Variants in MYLK observed in about 807,000 individuals in gnomAD.
The protein encoded by MYLK is myosin light chain kinase, smooth muscle.
MYLK carries 106 observed loss-of-function variants against 203.4 expected under a neutral mutation model. The observed-to-expected ratio is 0.52, with a 90% confidence interval of 0.45 to 0.61. The LOEUF is 0.61. Ranked by LOEUF, MYLK falls within the 20% of genes least tolerant of loss-of-function variation. The probability of loss-of-function intolerance (pLI) is 0.00; values close to 1 mark genes in which losing one functional copy is unlikely to be tolerated. For synonymous variants in MYLK, 867 were observed against 959.5 expected (o/e 0.90, Z 1.78); for missense variants, 2,072 against 2,442.3 (o/e 0.85, Z 3.20).
chr3:123,692,889 C>T (rs764400134), intron 18 of MYLK, 38 bp from the exon 19 acceptor site: 43 of 1,553,366 alleles, frequency 2.8e-5, no homozygotes, highest in Non-Finnish European at 2.7e-5. Flanking sequence ...CAGGTGTGGT[C>T]GTAGTACCTG....
chr3:123,692,878 C>A (rs2060737648), intron 18 of MYLK, 27 bp from the exon 19 acceptor site: 3 of 1,594,628 alleles, frequency 1.9e-6, no homozygotes, highest in East Asian at 2.2e-5. Flanking sequence ...GTGGAGTGAA[C>A]CAGGTGTGGT....
rs780654221 is a variant in MYLK at position 123,793,782 on chromosome 3, A to G, written c.60T>C (p.Asp20=). Residue 20 remains aspartate (D), a synonymous_variant, in exon 4 of 34, where the codon GAT becomes GAC. Transcript: ENST00000360304. ...GGGGCATGGAGTCAACTCTTGAGGG[A>G]TCCACACTGAGGGAGGTTTTGGAAA... ...SHISKTSLSV[D]PSRVDSMPLT... The G allele has an allele frequency of 9.3e-6, 15 of 1,614,056 alleles. No homozygotes were observed. The Admixed American group carries it at 1.8e-4, about 20-fold the overall frequency.
chr3:123,815,795 T>A (rs1006924820), intron 3 of MYLK, among the ~76,000 whole-genome samples: 1 of 152,276 alleles, frequency 6.6e-6, no homozygotes, highest in African/African-American at 2.4e-5. Context: ...TCCTTCAAAC[T>A]TTTTAGAAAT....
At chr3:123,780,343 A>G (rs2064247237) in intron 4 of MYLK, among the ~76,000 whole-genome samples, 1 of 152,182 alleles carries the variant, frequency 6.6e-6, no homozygotes, top group South Asian at 2.1e-4. Flanking sequence ...GTGAGACAGG[A>G]GAATTGCTTG....
intron 2 of MYLK, among the ~76,000 whole-genome samples, chr3:123,833,697 T>C (rs1478424329): frequency 6.6e-6 from 1 of 152,198 alleles, no homozygotes; most frequent in African/African-American, 2.4e-5. Context: ...AATAAAGCTG[T>C]TAATTATGTA....
chr3:123,838,672 A>G (rs1408242601), intron 2 of MYLK, among the ~76,000 whole-genome samples: 1 of 152,242 alleles, frequency 6.6e-6, no homozygotes, highest in Non-Finnish European at 1.5e-5. Context: ...AGGTTTTTAT[A>G]CCATACGTGA....
At chr3:123,806,361 C>T (rs150398142) in intron 3 of MYLK, among the ~76,000 whole-genome samples, 1 of 152,104 alleles carries the variant, frequency 6.6e-6, no homozygotes, top group Non-Finnish European at 1.5e-5. Context: ...AGAGAACAGG[C>T]CATGGTAATC....
intron 32 of MYLK, among the ~76,000 whole-genome samples, chr3:123,619,800 T>C (rs1235370949): frequency 6.6e-6 from 1 of 152,194 alleles, no homozygotes; most frequent in Non-Finnish European, 1.5e-5. Flanking sequence ...ACAAAGATGG[T>C]AGAAAATAGA....
chr3:123,745,524 CTTTCT>C (rs1218054359), intron 5 of MYLK, among the ~76,000 whole-genome samples: 1 of 152,334 alleles, frequency 6.6e-6, no homozygotes, highest in South Asian at 2.1e-4. Flanking sequence ...TTGAAGCACT[CTTTCT>C]TTTAAGGCTC....
chr3:123,657,156 C>G lies in MYLK; in HGVS notation c.4258G>C (p.Glu1420Gln). The G allele has an allele frequency of 2.5e-6, 4 of 1,614,192 alleles. No individual in the cohort carries two copies. The highest frequency in any genetic ancestry group is 3.4e-6 in the Non-Finnish European group (4 of 1,180,032). Residue 1420 changes from glutamate to glutamine, a missense_variant, in exon 24 of 34, where the codon GAA becomes CAA. Glu to Gln is a conservative substitution (Grantham distance 29, BLOSUM62 2). Coordinates refer to ENST00000360304, the MANE Select transcript of MYLK (RefSeq NM_053025.4). ...GGTTTCTCTCCTACCGTTGTGAGTT[C>G]AGACTCCTGGCTTGGCTCACTGGTT... The part of the protein sequence containing the change: ...YGTSEPSQES[E>Q]LTTVGEKPEE...
Position 123,649,164 on chromosome 3 carries a change from T to A in MYLK, c.4319A>T (p.Asp1440Val). 1 of 1,613,372 alleles carries A rather than the reference T, an allele frequency of 6.2e-7. No homozygotes were observed. Among genetic ancestry groups the A allele is most frequent in the Non-Finnish European group, 8.5e-7 (1 of 1,180,004 alleles). Residue 1440 changes from aspartate (D) to valine (V), a missense_variant and splice_region_variant, in exon 25 of 34, where the codon GAT becomes GTT. This residue lies in a region of MYLK where 524 missense variants were observed against 782.4 expected (regional missense o/e 0.67). Coordinates refer to ENST00000360304, the MANE Select transcript of MYLK (RefSeq NM_053025.4). ...EPKDEVEVSDDDEKEPEVDYR... is the reference protein window; with the variant it reads ...EPKDEVEVSDVDEKEPEVDYR... ...CCGAAGACAGGGGCTGCACTCACCA[T>A]CATCTGACACCTCCACTTCATCCTT...
chr3:123,687,610 A>C (rs797016664), intron 19 of MYLK, among the ~76,000 whole-genome samples: 35 of 135,998 alleles, frequency 2.6e-4, no homozygotes, highest in East Asian at 1.2e-3. Flanking sequence ...CTTCCTTCCT[A>C]CCTTCATTCC....
In MYLK at chr3:123,700,347, C is replaced by T. The variant is rs568590920; in HGVS notation, c.3121G>A (p.Ala1041Thr). 17 of 1,613,514 alleles carry T rather than the reference C, an allele frequency of 1.1e-5. No homozygotes were observed. The highest frequency in any genetic ancestry group is 1.7e-4 in the Middle Eastern group (1 of 6,060). ...PAETLKPMGNAKPAETLKPMG... is the reference protein window; with the variant it reads ...PAETLKPMGNTKPAETLKPMG... ...GGCTTCAGGGTCTCGGCAGGCTTGG[C>T]GTTGCCCATTGGCTTCAGGGTCTCA... Residue 1041 changes from alanine (A) to threonine (T), a missense_variant, in exon 18 of 34, where the codon GCC (alanine) becomes ACC (threonine). Around this residue, in one of 3 missense-constraint regions of MYLK, gnomAD observed 865 missense variants for 1,016.0 expected, o/e 0.85. Transcript: ENST00000360304.
At chr3:123,695,120 G>C (rs529888113) in intron 18 of MYLK, among the ~76,000 whole-genome samples, 1 of 152,276 alleles carries the variant, frequency 6.6e-6, no homozygotes, top group East Asian at 1.9e-4. Flanking sequence ...TGTGGATGGA[G>C]GGAGGGAGCT....
At chr3:123,795,240 G>C (rs1354526259) in intron 3 of MYLK, among the ~76,000 whole-genome samples, 1 of 152,096 alleles carries the variant, frequency 6.6e-6, no homozygotes, top group Non-Finnish European at 1.5e-5. Flanking sequence ...GGGAAAAGTT[G>C]CTTTTAAGAA....
chr3:123,657,522 T>A, intron 23 of MYLK, 94 bp from the exon 24 acceptor site: 1 of 1,291,578 alleles, frequency 7.7e-7, no homozygotes, highest in Non-Finnish European at 1.1e-6. Context: ...GAAGGCAGCC[T>A]AGAGAACCCA....
At position 123,657,249 on chromosome 3, in the gene MYLK, A is replaced by T. The variant is rs765421400; in HGVS notation, c.4165T>A (p.Phe1389Ile). The T allele has an allele frequency of 6.2e-7, 1 of 1,614,126 alleles. No homozygotes were observed. The highest frequency in any genetic ancestry group is 1.7e-5 in the Admixed American group (1 of 60,028). ...KELATCRSTS[F>I]NVQDLLPDHE... ...TCAGGCAGCAGGTCCTGGACGTTGA[A>T]AGAGGTGCTGCGGCATGTGGCTAGT... The change falls in exon 24 of 34, where the codon TTC becomes ATC. Residue 1389 changes from phenylalanine to isoleucine, a missense_variant. Physicochemically the swap from Phe to Ile is conservative, Grantham distance 21. This residue lies in a region of MYLK where 524 missense variants were observed against 782.4 expected (regional missense o/e 0.67). Coordinates refer to ENST00000360304, the MANE Select transcript of MYLK (RefSeq NM_053025.4).
rs2108190321 is a variant in MYLK at position 123,648,353 on chromosome 3, A to T, written c.4415+618T>A. The stretch of plus-strand genomic sequence containing the variant: ...ATGACTGCTGCGCGTTTAATGGAGC[A>T]CTAACGCAGGCATTGCTTTACAGTG... On this transcript the variant is annotated intron_variant, in intron 26 of 33. Coordinates refer to ENST00000360304, the MANE Select transcript of MYLK (RefSeq NM_053025.4). The surrounding 1 kb of genome is among the most constrained non-coding windows in gnomAD (Gnocchi z 4.5). Among the ~76,000 whole-genome samples, 1 of 152,334 alleles carries T rather than the reference A, an allele frequency of 6.6e-6. No homozygotes were observed. Among genetic ancestry groups the T allele is most frequent in the East Asian group, 1.9e-4 (1 of 5,180 alleles).
chr3:123,692,646 G>T, intron 19 of MYLK, 89 bp downstream of exon 19: 1 of 1,059,320 alleles, frequency 9.4e-7, no homozygotes, highest in Non-Finnish European at 1.5e-6. Context: ...AGGCAGTTCT[G>T]TCTGACAGGC....
Sources: gnomAD v4.1 joint callset for allele counts (sites outside exome capture counted in the v4.1 genomes callset) on GRCh38, gnomAD v4.1.1 for gene constraint, gnomAD v4.1.1 regional missense constraint, Gnocchi (gnomAD v3.1) non-coding constraint, MANE v1.5 for transcripts, NCBI Gene and HGNC (gene_info 2026-07-23, HGNC 2026-07-21) for gene names.